FARP2: variants seen among roughly 807,000 people sequenced by gnomAD.
FARP2 encodes FERM, ARH/RhoGEF and pleckstrin domain protein 2.
FARP2 carries 111 observed loss-of-function variants against 130.5 expected under a neutral mutation model. The ratio of observed to expected loss-of-function variants is 0.85; its 90% CI spans 0.73 to 1.00. The LOEUF (loss-of-function observed/expected upper bound fraction) is 1.00. Ranked by LOEUF, FARP2 falls within the 50% of genes least tolerant of loss-of-function variation. The pLI, the probability that FARP2 is intolerant of heterozygous loss-of-function variation, is 0.00. For missense variants in FARP2, 1,385 were observed against 1,346.3 expected, an observed-to-expected ratio of 1.03 and a Z score of -0.45; for synonymous variants, 504 against 516.9, an observed-to-expected ratio of 0.98 and a Z score of 0.34.
chr2:241,492,663 T>C (rs1349450807), intron 24 of FARP2: 1 of 402,146 alleles, frequency 2.5e-6, no homozygotes, highest in South Asian at 4.0e-5. Flanking sequence ...GATGGGTTTG[T>C]GGATGGTTGG....
intron 21 of FARP2, among the ~76,000 whole-genome samples, chr2:241,486,287 C>CT (rs71406464): frequency 0.31 from 32,008 of 103,838 alleles, 5,578 homozygotes; most frequent in African/African-American, 0.41. Flanking sequence ...CTCCAAAAAT[C>CT]TTTTTTTTTT....
intron 14 of FARP2, among the ~76,000 whole-genome samples, chr2:241,458,858 G>A (rs575318387): frequency 1.0e-3 from 155 of 152,366 alleles, no homozygotes; most frequent in African/African-American, 3.5e-3. Context: ...GAGTCATGAC[G>A]TGGCATGGGG....
chr2:241,427,933 A>AT (rs980009481), intron 8 of FARP2, among the ~76,000 whole-genome samples: 3 of 151,792 alleles, frequency 2.0e-5, no homozygotes, highest in Admixed American at 6.6e-5. Context: ...CGTCTGGCTA[A>AT]TTTTTTGTAT....
chr2:241,368,660 T>G (rs1456760996), intron 1 of FARP2, among the ~76,000 whole-genome samples: 1 of 152,076 alleles, frequency 6.6e-6, no homozygotes, highest in Non-Finnish European at 1.5e-5. Flanking sequence ...TCTTTAGAGA[T>G]AGAGTCTCAC....
Position 241,493,312 on chromosome 2 carries a change from G to A in FARP2, c.2915G>A (p.Ser972Asn), listed in dbSNP as rs753995061. ...KTHQDDYPLA[S>N]LPLLGYSVSI... ...TTGCAGGATGACTACCCACTGGCCA[G>A]CCTCCCGCTGCTGGGCTACAGCGTG... Residue 972 changes from serine to asparagine, a missense_variant, in exon 26 of 27, where the codon AGC (serine) becomes AAC (asparagine). By Grantham distance (46) the Ser-to-Asn change is conservative (BLOSUM62 1). Coordinates refer to ENST00000264042, the MANE Select transcript of FARP2 (RefSeq NM_014808.4). The A allele has an allele frequency of 1.2e-6, 2 of 1,613,864 alleles. No homozygotes were observed. Among genetic ancestry groups the A allele is most frequent in the Non-Finnish European group, 1.7e-6 (2 of 1,179,992 alleles).
chr2:241,406,418 T>TAGAG (rs1448663989), intron 4 of FARP2, among the ~76,000 whole-genome samples: 1 of 121,938 alleles, frequency 8.2e-6, no homozygotes, highest in African/African-American at 3.8e-5. Context: ...TGTGTATATA[T>TAGAG]ATAGAGAGAG....
intron 12 of FARP2, among the ~76,000 whole-genome samples, chr2:241,438,128 G>A (rs1232495779): frequency 1.3e-5 from 2 of 152,152 alleles, no homozygotes; most frequent in Admixed American, 6.5e-5. Context: ...CTATTTTTAT[G>A]TAACATATCA....
chr2:241,473,127 A>C (rs185632363), intron 18 of FARP2, among the ~76,000 whole-genome samples: 1 of 145,600 alleles, frequency 6.9e-6, no homozygotes. Context: ...ATCCTGTTCT[A>C]TGAGGACTCT....
chr2:241,430,510 C>T (rs1055096442), intron 8 of FARP2, among the ~76,000 whole-genome samples: 1 of 152,150 alleles, frequency 6.6e-6, no homozygotes, highest in Non-Finnish European at 1.5e-5. Context: ...GTGTCTGTAT[C>T]TGCTGAAACC....
intron 2 of FARP2, among the ~76,000 whole-genome samples, chr2:241,397,416 A>T (rs1222086825): frequency 2.0e-5 from 3 of 152,200 alleles, no homozygotes; most frequent in Admixed American, 2.0e-4. Flanking sequence ...ATGAAGTATA[A>T]AGTTTTGTTC....
At chr2:241,478,838 C>G (rs16843765) in intron 19 of FARP2, 29,869 of 388,320 alleles carry the variant, frequency 0.077, 1,317 homozygotes, top group Middle Eastern at 0.13. Flanking sequence ...GTTTGAACAA[C>G]TGGTCAGCAA....
chr2:241,441,231 G>A, intron 12 of FARP2, 73 bp from the exon 13 acceptor site: 1 of 1,446,094 alleles, frequency 6.9e-7, no homozygotes, highest in Non-Finnish European at 9.3e-7. Context: ...AGTTAGGCCA[G>A]GTGGCTTTGC....
chr2:241,453,437 A>G lies in FARP2; in HGVS notation c.1412-3310A>G, dbSNP rs1173185983. Among the ~76,000 whole-genome samples the G allele has an allele frequency of 2.0e-5, 3 of 151,720 alleles. No individual in the cohort carries two copies. In the East Asian group the frequency reaches 5.8e-4, roughly 30 times the overall value. ...GGAGATCGAGACCATCCTGGCTAAC[A>G]TGGTGAAACCCCGTCTCTACTAAAA... On this transcript the variant is annotated intron_variant, in intron 13 of 26. Coordinates refer to ENST00000264042, the MANE Select transcript of FARP2 (RefSeq NM_014808.4).
chr2:241,420,597 C>T (rs1331239633), intron 8 of FARP2, among the ~76,000 whole-genome samples: 1 of 152,178 alleles, frequency 6.6e-6, no homozygotes, highest in Non-Finnish European at 1.5e-5. Flanking sequence ...AAATGGAGAA[C>T]ATAAAAACAT....
intron 19 of FARP2, among the ~76,000 whole-genome samples, chr2:241,480,070 G>T (rs954342724): frequency 2.0e-5 from 3 of 152,216 alleles, no homozygotes; most frequent in African/African-American, 7.2e-5. Flanking sequence ...TCAGCTGGTT[G>T]TAGGGACCTG....
At chr2:241,465,440 C>T (rs1335663074) in intron 17 of FARP2, 8 of 1,544,924 alleles carry the variant, frequency 5.2e-6, no homozygotes, top group South Asian at 2.4e-5. Context: ...GGCTGCTAGG[C>T]TCATAGGTTT....
chr2:241,357,819 T>C (rs1405520360), intron 1 of FARP2, among the ~76,000 whole-genome samples: 1 of 152,252 alleles, frequency 6.6e-6, no homozygotes, highest in African/African-American at 2.4e-5. Context: ...GTTCCTTGTA[T>C]ACTAATTCCT....
At chr2:241,398,096 G>T (rs2062076286) in intron 2 of FARP2, among the ~76,000 whole-genome samples, 1 of 152,110 alleles carries the variant, frequency 6.6e-6, no homozygotes, top group Admixed American at 6.5e-5. Context: ...CTCCCAAAGT[G>T]CTGGGATTAC....
chr2:241,403,984 A>G (rs1380571396), intron 3 of FARP2, 52 bp downstream of exon 3: 1 of 946,914 alleles, frequency 1.1e-6, no homozygotes, highest in South Asian at 1.4e-5. Flanking sequence ...TGCTGTGATG[A>G]CAGCCGCAAG....
Sources: allele counts gnomAD v4.1 joint callset (sites outside exome capture counted in the v4.1 genomes callset), GRCh38; gene constraint gnomAD v4.1.1; transcripts MANE v1.5; gene names NCBI Gene and HGNC (gene_info 2026-07-23, HGNC 2026-07-21).